The following CCDC178 variants were observed in gnomAD, a reference collection of about 807,000 sequenced individuals.
CCDC178 encodes coiled-coil domain containing 178, also known as coiled-coil domain-containing protein 178.
CCDC178 carries 126 observed loss-of-function variants against 117.4 expected under a neutral mutation model. That is an observed-to-expected ratio of 1.07 (90% CI 0.93 to 1.24). The LOEUF is 1.24. CCDC178 is among the 50% of genes most tolerant of loss of function. The pLI is 0.00. For synonymous variants in CCDC178, 283 were observed against 313.4 expected, an observed-to-expected ratio of 0.90 and a Z score of 1.02; for missense variants, 1,030 against 986.9, an observed-to-expected ratio of 1.04 and a Z score of -0.59.
intron 9 of CCDC178, among the ~76,000 whole-genome samples, chr18:33,344,526 C>A (rs1347643382): frequency 6.6e-6 from 1 of 152,034 alleles, no homozygotes; most frequent in African/African-American, 2.4e-5. Context: ...ATAATGTGCA[C>A]ATATGTATCT....
chr18:33,102,156 A>T lies in CCDC178; in HGVS notation c.2239-9246T>A, dbSNP rs936694121. The stretch of plus-strand genomic sequence containing the variant: ...GTCCTTCAGAAATAAAAATTTAAAA[A>T]AATTTTTCTACATCGATAATGAGGA... On this transcript the variant is annotated intron_variant, in intron 20 of 22. Transcript: ENST00000383096. Among the ~76,000 whole-genome samples, 5 of 151,910 alleles carry T rather than the reference A, an allele frequency of 3.3e-5. No homozygotes were observed. The East Asian group carries it at 7.8e-4, about 24-fold the overall frequency.
chr18:33,316,476 C>T (rs530214538), intron 11 of CCDC178, among the ~76,000 whole-genome samples: 27 of 152,174 alleles, frequency 1.8e-4, no homozygotes, highest in Admixed American at 6.5e-4. Context: ...TCCCCCCACA[C>T]GCCGTGGGCT....
At chr18:33,144,677 G>A (rs903218497) in intron 20 of CCDC178, among the ~76,000 whole-genome samples, 5 of 151,924 alleles carry the variant, frequency 3.3e-5, no homozygotes, top group Admixed American at 2.0e-4. Context: ...TGAAAAGGCT[G>A]GAGGAAATAA....
chr18:33,267,709 C>T (rs2059835637), intron 12 of CCDC178, among the ~76,000 whole-genome samples: 1 of 151,152 alleles, frequency 6.6e-6, no homozygotes, highest in Non-Finnish European at 1.5e-5. Flanking sequence ...TAAACAATTA[C>T]ATAATAAAAT....
chr18:33,428,829 A>T (rs1227735543), intron 2 of CCDC178, among the ~76,000 whole-genome samples: 1 of 144,460 alleles, frequency 6.9e-6, no homozygotes, highest in African/African-American at 2.5e-5. Flanking sequence ...AAAAAAAGTA[A>T]AAAAAAAAAA....
chr18:33,289,533 G>A lies in CCDC178; in HGVS notation c.1176+3626C>T, dbSNP rs189276858. Among the ~76,000 whole-genome samples the A allele has an allele frequency of 3.7e-3, 570 of 152,046 alleles. 7 individuals are homozygous for A. The highest frequency in any genetic ancestry group is 4.4e-4 in the Non-Finnish European group (30 of 67,992). On this transcript the variant is annotated intron_variant, in intron 12 of 22. Coordinates refer to ENST00000383096, the MANE Select transcript of CCDC178 (RefSeq NM_001105528.4). Reference sequence around the variant, plus strand: ...GGAGGCTGAGGCTGGAGAATCACTTGAACCCATGAGGCAGAGGTTGCAGTG... The same window carrying A: ...GGAGGCTGAGGCTGGAGAATCACTTAAACCCATGAGGCAGAGGTTGCAGTG...
At position 33,183,280 on chromosome 18, in the gene CCDC178, A is replaced by G. The variant is rs182536909; in HGVS notation, c.2238+28616T>C. Among the ~76,000 whole-genome samples the G allele has an allele frequency of 1.3e-4, 20 of 152,102 alleles. No homozygotes were observed. The East Asian group carries it at 3.9e-3, about 29-fold the overall frequency. ...TGTTTCACTTCAATAACTCTTTTAA[A>G]GTTGTTGCGCCAAGATGCCTGGCGG... is the stretch of plus-strand genomic sequence containing the variant. On this transcript the variant is annotated intron_variant, in intron 20 of 22. Transcript: ENST00000383096.
At chr18:33,306,356 G>T (rs1176713207) in intron 11 of CCDC178, among the ~76,000 whole-genome samples, 1 of 150,848 alleles carries the variant, frequency 6.6e-6, no homozygotes, top group African/African-American at 2.4e-5. Context: ...TTATAAAATG[G>T]TGAGTTTGTG....
At chr18:33,201,175 T>A (rs1799894693) in intron 20 of CCDC178, among the ~76,000 whole-genome samples, 1 of 152,226 alleles carries the variant, frequency 6.6e-6, no homozygotes, top group Non-Finnish European at 1.5e-5. Context: ...AAGCAAATCC[T>A]GCATCACACA....
chr18:33,051,684 C>G (rs1379480187), intron 21 of CCDC178, among the ~76,000 whole-genome samples: 1 of 152,192 alleles, frequency 6.6e-6, no homozygotes, highest in Non-Finnish European at 1.5e-5. Flanking sequence ...TTGTTTCATG[C>G]TTTCCAAGAC....
intron 22 of CCDC178, among the ~76,000 whole-genome samples, chr18:32,946,366 C>T (rs1208073573): frequency 1.3e-5 from 2 of 152,140 alleles, no homozygotes; most frequent in African/African-American, 2.4e-5. Flanking sequence ...TCTCTTCATT[C>T]TGATTGCTTT....
At position 33,148,388 on chromosome 18, in the gene CCDC178, C is replaced by T. The variant is rs551308248; in HGVS notation, c.2239-55478G>A. ...AGATGGTGGCAGTACAGTCCAGCTT[C>T]GGCTCGGCATCAGAGGGAGACCGTG... On this transcript the variant is annotated intron_variant, in intron 20 of 22. Coordinates refer to ENST00000383096, the MANE Select transcript of CCDC178 (RefSeq NM_001105528.4). Among the ~76,000 whole-genome samples, 212 of 151,812 alleles carry T rather than the reference C, an allele frequency of 1.4e-3. 1 individual carries two copies. The highest frequency in any genetic ancestry group is 4.8e-3 in the African/African-American group (200 of 41,370).
intron 21 of CCDC178, among the ~76,000 whole-genome samples, chr18:32,994,517 A>G (rs143203113): frequency 1.2e-3 from 178 of 152,330 alleles, no homozygotes; most frequent in Middle Eastern, 0.01. Flanking sequence ...TTTGCCTTTG[A>G]AATGAAGATA....
intron 20 of CCDC178, among the ~76,000 whole-genome samples, chr18:33,159,080 T>C (rs2058433744): frequency 6.6e-6 from 1 of 152,050 alleles, no homozygotes; most frequent in Non-Finnish European, 1.5e-5. Flanking sequence ...AACAACAGAT[T>C]CTGCAATACG....
At chr18:33,091,833 A>G (rs1025802105) in intron 21 of CCDC178, among the ~76,000 whole-genome samples, 4 of 152,172 alleles carry the variant, frequency 2.6e-5, no homozygotes, top group Non-Finnish European at 4.4e-5. Flanking sequence ...TATTACTTAC[A>G]AAGTACTCTG....
intron 18 of CCDC178, among the ~76,000 whole-genome samples, chr18:33,220,995 G>A (rs780309172): frequency 1.8e-4 from 27 of 152,100 alleles, no homozygotes; most frequent in Non-Finnish European, 2.8e-4. Flanking sequence ...AAAGCCCTGC[G>A]TACCAGACAG....
intron 2 of CCDC178, among the ~76,000 whole-genome samples, chr18:33,425,548 GAGA>G (rs1322690902): frequency 1.3e-5 from 2 of 152,168 alleles, no homozygotes; most frequent in African/African-American, 4.8e-5. Flanking sequence ...AGCCACCAAA[GAGA>G]AGCTGACTCT....
At chr18:33,163,206 T>C (rs1216225720) in intron 20 of CCDC178, among the ~76,000 whole-genome samples, 2 of 152,080 alleles carry the variant, frequency 1.3e-5, no homozygotes, top group Non-Finnish European at 2.9e-5. Context: ...GTTTTTTTCA[T>C]ATGCTTTTTG....
chr18:33,383,998 C>T (rs2063467260), intron 5 of CCDC178, among the ~76,000 whole-genome samples: 1 of 151,946 alleles, frequency 6.6e-6, no homozygotes, highest in Non-Finnish European at 1.5e-5. Flanking sequence ...ACTCGAATAA[C>T]CAGTTTAGAG....
Sources: gnomAD v4.1 joint callset for allele counts (sites outside exome capture counted in the v4.1 genomes callset) on GRCh38, gnomAD v4.1.1 for gene constraint, MANE v1.5 for transcripts, NCBI Gene and HGNC (gene_info 2026-07-23, HGNC 2026-07-21) for gene names.